The following TENM3 variants were observed in gnomAD, a reference collection of about 807,000 sequenced individuals.
TENM3 encodes teneurin transmembrane protein 3, also known as teneurin-3.
A neutral mutation model predicts 255.1 loss-of-function variants in TENM3; 63 were observed. The observed-to-expected ratio is 0.25, with a 90% confidence interval of 0.20 to 0.30. TENM3 has a LOEUF of 0.30. Among genes scored for constraint, TENM3 ranks in the 10% least tolerant of loss-of-function variants. The probability of loss-of-function intolerance (pLI) is 1.00; values close to 1 mark genes in which losing one functional copy is unlikely to be tolerated. For missense variants in TENM3, 2,929 were observed against 3,461.1 expected, an observed-to-expected ratio of 0.85 and a Z score of 3.86; for synonymous variants, 1,306 against 1,322.3, an observed-to-expected ratio of 0.99 and a Z score of 0.27.
Position 182,310,557 on chromosome 4 carries a change from T to C in TENM3, c.-75-13389T>C, listed in dbSNP as rs566759773. Among the ~76,000 whole-genome samples, 111 of 152,304 alleles carry C rather than the reference T, an allele frequency of 7.3e-4. 1 individual carries two copies. Among genetic ancestry groups the C allele is most frequent in the African/African-American group, 2.4e-3 (98 of 41,568 alleles). On this transcript the variant is annotated intron_variant, in intron 1 of 27. Coordinates refer to ENST00000511685, the MANE Select transcript of TENM3 (RefSeq NM_001080477.4). ...ACCAGATGTCCCAGGACTGACCTCA[T>C]TGGTCACATGTTCATTCTTAACCAG...
In TENM3 at chr4:182,339,820, G is replaced by A. The variant is rs148173520; in HGVS notation, c.233-6831G>A. ...AGATATCAGCAGATACATTGCAGGC[G>A]TATTATCATTGCCGGGCCTTGGATT... On this transcript the variant is annotated intron_variant, in intron 2 of 27. Transcript: ENST00000511685. Among the ~76,000 whole-genome samples, 20 of 152,128 alleles carry A rather than the reference G, an allele frequency of 1.3e-4. No homozygotes were observed. The East Asian group carries it at 2.7e-3, about 21-fold the overall frequency.
the TENM3 span, among the ~76,000 whole-genome samples, chr4:181,614,317 T>C: frequency 1.3e-5 from 2 of 152,174 alleles, no homozygotes; most frequent in African/African-American, 2.4e-5. Flanking sequence ...AATGTTGTCT[T>C]CACATCTCTC....
At chr4:181,645,625 A>G in the TENM3 span, among the ~76,000 whole-genome samples, 4 of 152,320 alleles carry the variant, frequency 2.6e-5, no homozygotes, top group East Asian at 5.8e-4. Context: ...CAAAAAAACC[A>G]CACTGCAATA....
chr4:182,073,839 C>T, the TENM3 span, among the ~76,000 whole-genome samples: 1 of 152,102 alleles, frequency 6.6e-6, no homozygotes, highest in Non-Finnish European at 1.5e-5. Context: ...CATGAAAACC[C>T]AAATTCCCTA....
At chr4:181,626,560 C>T in the TENM3 span, among the ~76,000 whole-genome samples, 156 of 152,060 alleles carry the variant, frequency 1.0e-3, no homozygotes, top group Admixed American at 2.9e-3. Flanking sequence ...GAGAGCACAG[C>T]AAGGGGGCGG....
At chr4:182,079,246 G>A in the TENM3 span, among the ~76,000 whole-genome samples, 2 of 152,174 alleles carry the variant, frequency 1.3e-5, no homozygotes, top group Non-Finnish European at 2.9e-5. Context: ...GCTGGGTGTG[G>A]TGGCTCATGC....
chr4:182,412,443 A>G (rs1396665917), intron 3 of TENM3, among the ~76,000 whole-genome samples: 1 of 152,222 alleles, frequency 6.6e-6, no homozygotes, highest in Admixed American at 6.5e-5. Flanking sequence ...ATTTATAAAT[A>G]AAATTAATGC....
the TENM3 span, among the ~76,000 whole-genome samples, chr4:181,739,246 A>G: frequency 3.3e-5 from 5 of 152,192 alleles, no homozygotes; most frequent in South Asian, 2.1e-4. Context: ...ATGAAACAAC[A>G]TAGTCAAAAT....
At chr4:181,996,245 T>C in the TENM3 span, among the ~76,000 whole-genome samples, 1 of 151,124 alleles carries the variant, frequency 6.6e-6, no homozygotes, top group African/African-American at 2.4e-5. Context: ...TGGACAGCCG[T>C]CCAAGCTGTG....
intron 3 of TENM3, among the ~76,000 whole-genome samples, chr4:182,559,644 C>T (rs1174268138): frequency 6.6e-6 from 1 of 151,988 alleles, no homozygotes; most frequent in African/African-American, 2.4e-5. Context: ...TAATGCCCAG[C>T]GTTTGTTGTA....
intron 13 of TENM3, among the ~76,000 whole-genome samples, chr4:182,720,766 CTTTTT>C (rs11369655): frequency 3.1e-5 from 4 of 129,808 alleles, no homozygotes; most frequent in South Asian, 2.6e-4. Flanking sequence ...AGTCTCCCCT[CTTTTT>C]TTTTTTTTTT....
intron 3 of TENM3, among the ~76,000 whole-genome samples, chr4:182,416,982 G>C (rs918057512): frequency 6.6e-6 from 1 of 151,910 alleles, no homozygotes; most frequent in Admixed American, 6.6e-5. Flanking sequence ...TGTTGTTGTT[G>C]TTTTTTTCTG....
intron 6 of TENM3, among the ~76,000 whole-genome samples, chr4:182,668,170 G>A (rs1344453489): frequency 6.6e-6 from 1 of 151,970 alleles, no homozygotes; most frequent in Non-Finnish European, 1.5e-5. Flanking sequence ...GCCCTACCTT[G>A]GGTTTATGGT....
chr4:182,564,649 G>A (rs1743585083), intron 3 of TENM3, among the ~76,000 whole-genome samples: 1 of 151,258 alleles, frequency 6.6e-6, no homozygotes, highest in Non-Finnish European at 1.5e-5. Context: ...AATATTGAAG[G>A]CATATTTGTT....
At chr4:182,430,066 A>T (rs1322048412) in intron 3 of TENM3, among the ~76,000 whole-genome samples, 1 of 152,224 alleles carries the variant, frequency 6.6e-6, no homozygotes, top group Non-Finnish European at 1.5e-5. Flanking sequence ...TCTTCAATGC[A>T]GTATTATCAC....
the TENM3 span, among the ~76,000 whole-genome samples, chr4:181,460,050 C>T: frequency 6.6e-6 from 1 of 151,766 alleles, no homozygotes; most frequent in Non-Finnish European, 1.5e-5. Flanking sequence ...GTCAGTTTAT[C>T]CTTACATATT....
At chr4:182,366,698 ATAGACT>A (rs1398370015) in intron 3 of TENM3, among the ~76,000 whole-genome samples, 5 of 152,310 alleles carry the variant, frequency 3.3e-5, no homozygotes, top group Admixed American at 1.3e-4. Flanking sequence ...ATGATTTCTG[ATAGACT>A]TAGAATGCTA....
chr4:182,473,315 T>A (rs1733315633), intron 3 of TENM3, among the ~76,000 whole-genome samples: 1 of 152,174 alleles, frequency 6.6e-6, no homozygotes, highest in Non-Finnish European at 1.5e-5. Context: ...GAGTTCCAAA[T>A]ACTGTTATAA....
chr4:182,082,476 TATC>T, the TENM3 span, among the ~76,000 whole-genome samples: 3 of 152,176 alleles, frequency 2.0e-5, no homozygotes, highest in Non-Finnish European at 4.4e-5. Flanking sequence ...CTTTCGCAAT[TATC>T]AACACACATA....
Sources: gnomAD v4.1 joint callset for allele counts (sites outside exome capture counted in the v4.1 genomes callset) on GRCh38, gnomAD v4.1.1 for gene constraint, MANE v1.5 for transcripts, NCBI Gene and HGNC (gene_info 2026-07-23, HGNC 2026-07-21) for gene names.